SGCZ: variants seen among roughly 807,000 people sequenced by gnomAD.
SGCZ encodes the protein zeta-sarcoglycan.
A neutral mutation model predicts 41.3 loss-of-function variants in SGCZ; 40 were observed. The observed-to-expected ratio is 0.97, with a 90% confidence interval of 0.75 to 1.26. The LOEUF (loss-of-function observed/expected upper bound fraction) is 1.26, where lower values mean the gene tolerates loss of function less well. SGCZ is among the 50% of genes most tolerant of loss of function. The probability of loss-of-function intolerance (pLI) is 0.00; values close to 1 mark genes in which losing one functional copy is unlikely to be tolerated. For synonymous variants in SGCZ, 206 were observed against 137.5 expected (o/e 1.50, Z -3.49); for missense variants, 552 against 369.8 (o/e 1.49, Z -4.04).
At chr8:14,219,375 C>T (rs1320952351) in intron 4 of SGCZ, among the ~76,000 whole-genome samples, 1 of 152,206 alleles carries the variant, frequency 6.6e-6, no homozygotes, top group Non-Finnish European at 1.5e-5. Flanking sequence ...GCAATGCCTG[C>T]AGCCGGTATT....
At chr8:14,181,700 T>C (rs1167966858) in intron 4 of SGCZ, among the ~76,000 whole-genome samples, 1 of 152,200 alleles carries the variant, frequency 6.6e-6, no homozygotes, top group Non-Finnish European at 1.5e-5. Context: ...ACAAGCGCTC[T>C]TGCCTGCTGC....
chr8:14,165,990 T>C (rs1804197203), intron 4 of SGCZ, among the ~76,000 whole-genome samples: 1 of 152,084 alleles, frequency 6.6e-6, no homozygotes, highest in Non-Finnish European at 1.5e-5. Flanking sequence ...CTGAGGAGCA[T>C]TCATCAAGAG....
intron 1 of SGCZ, among the ~76,000 whole-genome samples, chr8:15,106,207 T>A (rs780539032): frequency 1.1e-3 from 174 of 152,276 alleles, no homozygotes; most frequent in Non-Finnish European, 2.0e-3. Context: ...AAATGATGTG[T>A]TGTACATAGC....
chr8:14,169,044 G>A lies in SGCZ; in HGVS notation c.425-4342C>T, dbSNP rs990710496. On this transcript the variant is annotated intron_variant, in intron 4 of 7. Coordinates refer to ENST00000382080, the MANE Select transcript of SGCZ (RefSeq NM_139167.4). ...TTATACGTAATGCACTCTAGAGTTA[G>A]GATTCAAGCCAAGGCTGTTTGAGTA... is the stretch of plus-strand genomic sequence containing the variant. Among the ~76,000 whole-genome samples the A allele has an allele frequency of 2.0e-5, 3 of 152,148 alleles. 1 individual carries two copies. Among genetic ancestry groups the A allele is most frequent in the Non-Finnish European group, 4.4e-5 (3 of 68,038 alleles).
chr8:14,893,470 G>A (rs1316908211), intron 1 of SGCZ, among the ~76,000 whole-genome samples: 1 of 152,120 alleles, frequency 6.6e-6, no homozygotes, highest in Non-Finnish European at 1.5e-5. Context: ...ACAGTAATGG[G>A]AATTAATAGA....
At chr8:14,673,113 A>G (rs937298962) in intron 1 of SGCZ, among the ~76,000 whole-genome samples, 1 of 152,198 alleles carries the variant, frequency 6.6e-6, no homozygotes, top group Non-Finnish European at 1.5e-5. Flanking sequence ...TTTCCATTGT[A>G]TCACATCCCA....
At chr8:15,101,391 C>T (rs1806606955) in intron 1 of SGCZ, among the ~76,000 whole-genome samples, 1 of 152,096 alleles carries the variant, frequency 6.6e-6, no homozygotes, top group South Asian at 2.1e-4. Flanking sequence ...TAAAAGTAAA[C>T]AACAAGAAAA....
chr8:15,084,507 T>C (rs1805875561), intron 1 of SGCZ, among the ~76,000 whole-genome samples: 1 of 152,144 alleles, frequency 6.6e-6, no homozygotes, highest in South Asian at 2.1e-4. Flanking sequence ...TCCCAGCACT[T>C]TGGGAGGCCG....
intron 1 of SGCZ, among the ~76,000 whole-genome samples, chr8:15,123,320 C>T (rs929151731): frequency 3.9e-5 from 6 of 152,062 alleles, no homozygotes; most frequent in African/African-American, 9.6e-5. Context: ...CTTTTATTTT[C>T]GCTTTTCATA....
At chr8:14,366,503 G>C (rs1261321684) in intron 2 of SGCZ, among the ~76,000 whole-genome samples, 1 of 152,000 alleles carries the variant, frequency 6.6e-6, no homozygotes, top group African/African-American at 2.4e-5. Flanking sequence ...AATTTGGTGG[G>C]GGGGACACAA....
chr8:14,666,555 T>C (rs1157324017), intron 1 of SGCZ, among the ~76,000 whole-genome samples: 1 of 152,144 alleles, frequency 6.6e-6, no homozygotes, highest in African/African-American at 2.4e-5. Flanking sequence ...AGCACAACTA[T>C]TTGCCTGGCT....
chr8:14,979,549 A>G (rs1396130551), intron 1 of SGCZ, among the ~76,000 whole-genome samples: 1 of 152,116 alleles, frequency 6.6e-6, no homozygotes, highest in African/African-American at 2.4e-5. Context: ...CTGCTACCTT[A>G]TTTTCTCCCC....
chr8:14,754,697 C>A (rs182702510), intron 1 of SGCZ, among the ~76,000 whole-genome samples: 21 of 152,122 alleles, frequency 1.4e-4, no homozygotes, highest in Non-Finnish European at 2.4e-4. Flanking sequence ...TAATATGGTG[C>A]ATCTCTCAAT....
chr8:14,696,844 G>T (rs992446892), intron 1 of SGCZ, among the ~76,000 whole-genome samples: 1 of 151,762 alleles, frequency 6.6e-6, no homozygotes, highest in South Asian at 2.1e-4. Flanking sequence ...AAGATGGTTT[G>T]CCAAAAGGGG....
intron 1 of SGCZ, among the ~76,000 whole-genome samples, chr8:15,107,193 T>G (rs1806862443): frequency 6.6e-6 from 1 of 152,226 alleles, no homozygotes. Flanking sequence ...GTTATCATGC[T>G]CTGCTGATTT....
intron 3 of SGCZ, among the ~76,000 whole-genome samples, chr8:14,321,443 G>C (rs961015914): frequency 6.6e-6 from 1 of 151,960 alleles, no homozygotes; most frequent in Non-Finnish European, 1.5e-5. Context: ...GATTAGGTTA[G>C]GTGGCTAGAT....
chr8:14,359,417 C>T (rs1803422547), intron 2 of SGCZ, among the ~76,000 whole-genome samples: 1 of 151,960 alleles, frequency 6.6e-6, no homozygotes, highest in Non-Finnish European at 1.5e-5. Context: ...CCAACAACTG[C>T]AGAATATACA....
At chr8:14,745,176 A>G (rs73664468) in intron 1 of SGCZ, among the ~76,000 whole-genome samples, 2,619 of 151,512 alleles carry the variant, frequency 0.017, 68 homozygotes, top group African/African-American at 0.059. Flanking sequence ...GTGCAACATC[A>G]CTTCATTTTC....
intron 1 of SGCZ, among the ~76,000 whole-genome samples, chr8:14,890,491 G>A (rs1454413303): frequency 6.6e-6 from 1 of 152,164 alleles, no homozygotes; most frequent in African/African-American, 2.4e-5. Context: ...GCAATTCTAT[G>A]AAGACTGAGA....
Sources: allele counts gnomAD v4.1 joint callset (sites outside exome capture counted in the v4.1 genomes callset), GRCh38; gene constraint gnomAD v4.1.1; transcripts MANE v1.5; gene names NCBI Gene and HGNC (gene_info 2026-07-23, HGNC 2026-07-21).